Variants in ACSM1 observed in about 807,000 individuals in gnomAD.
ACSM1 encodes the protein acyl-coenzyme A synthetase ACSM1, mitochondrial.
A neutral mutation model predicts 75.8 loss-of-function variants in ACSM1; 79 were observed. The observed-to-expected ratio is 1.04, with a 90% CI of 0.87 to 1.26. The LOEUF (loss-of-function observed/expected upper bound fraction) is 1.26. Ranked by LOEUF, ACSM1 falls within the 50% of genes most tolerant of loss-of-function variation. The pLI, the probability that ACSM1 is intolerant of heterozygous loss-of-function variation, is 0.00. For missense variants in ACSM1, 676 were observed against 720.1 expected (o/e 0.94, Z 0.70); for synonymous variants, 279 against 265.8 (o/e 1.05, Z -0.48).
chr16:20,625,209 A>T (rs2152178519), intron 12 of ACSM1, among the ~76,000 whole-genome samples: 1 of 152,250 alleles, frequency 6.6e-6, no homozygotes, highest in Non-Finnish European at 1.5e-5. Context: ...GAGTTAAGTG[A>T]TTTGGCATAT....
At chr16:20,649,114 A>G (rs1329870434) in intron 7 of ACSM1, among the ~76,000 whole-genome samples, 1 of 152,158 alleles carries the variant, frequency 6.6e-6, no homozygotes, top group Non-Finnish European at 1.5e-5. Context: ...TTTATAGTGA[A>G]CCTTTAGGGG....
intron 1 of ACSM1, among the ~76,000 whole-genome samples, chr16:20,691,751 A>ATGTGTG (rs59929923): frequency 0.015 from 1,968 of 133,978 alleles, 25 homozygotes; most frequent in East Asian, 0.058. Context: ...TACCTCTCCA[A>ATGTGTG]TGTGTGTGTG....
intron 1 of ACSM1, among the ~76,000 whole-genome samples, chr16:20,693,059 A>G (rs1295700390): frequency 6.6e-6 from 1 of 151,962 alleles, no homozygotes; most frequent in African/African-American, 2.4e-5. Flanking sequence ...AGTCCCAGCT[A>G]CTGGTGAGGC....
Position 20,627,224 on chromosome 16 carries a change from G to A in ACSM1, c.1392C>T (p.Phe464=), listed in dbSNP as rs1444829933. Reference sequence around the variant, plus strand: ...TAATGATGTCATCACTCCTCCCCAGGAAACAAATGTAGCCCTCTTCATCCA... The same window carrying A: ...TAATGATGTCATCACTCCTCCCCAGAAAACAAATGTAGCCCTCTTCATCCA... The part of the protein sequence containing the change: ...GKMDEEGYIC[F]LGRSDDIINA... Residue 464 remains phenylalanine, a synonymous_variant, in exon 11 of 14, where the codon TTC becomes TTT. Transcript: ENST00000520010. The A allele has an allele frequency of 1.3e-6, 2 of 1,575,262 alleles. No homozygotes were observed. The highest frequency in any genetic ancestry group is 2.5e-5 in the East Asian group (1 of 40,042).
At chr16:20,625,148 T>C (rs1346160136) in intron 12 of ACSM1, among the ~76,000 whole-genome samples, 1 of 152,212 alleles carries the variant, frequency 6.6e-6, no homozygotes, top group African/African-American at 2.4e-5. Context: ...CCTGCTTCTC[T>C]TTCCTCATCT....
rs1054905991 is a variant in ACSM1, at chr16:20,640,578, C to T, written c.999G>A (p.Arg333=). The T allele has an allele frequency of 1.2e-6, 2 of 1,614,042 alleles. No individual in the cohort carries two copies. Among genetic ancestry groups the T allele is most frequent in the South Asian group, 1.1e-5 (1 of 91,088 alleles). The change falls in exon 8 of 14, where the codon AGG becomes AGA. Residue 333 remains arginine (R), a synonymous_variant. Coordinates refer to ENST00000520010, the MANE Select transcript of ACSM1 (RefSeq NM_001318890.3). ...MILQQDFTSI[R]FPALEHCYTG... Reference sequence around the variant, plus strand: ...TATAGCAGTGCTCCAGGGCAGGGAACCTGATGCTTAGAGGAAGACAAGGTG... The same window carrying T: ...TATAGCAGTGCTCCAGGGCAGGGAATCTGATGCTTAGAGGAAGACAAGGTG...
Position 20,682,365 on chromosome 16 carries a change from G to C in ACSM1, c.502C>G (p.Leu168Val), listed in dbSNP as rs1567307354. 3 of 1,614,062 alleles carry C rather than the reference G, an allele frequency of 1.9e-6. No individual in the cohort carries two copies. The Admixed American group carries it at 5.0e-5, about 27-fold the overall frequency. ...GCTATGGAGTCCACCTCTGAGGCAA[G>C]GGCATCTATGGTCACAATGCCCTTG... is the stretch of plus-strand genomic sequence containing the variant. ...KAKGIVTIDA[L>V]ASEVDSIASQ... Residue 168 changes from leucine (L) to valine (V), a missense_variant, in exon 4 of 14, where the codon CTT becomes GTT. By Grantham distance (32) the Leu-to-Val change is conservative (BLOSUM62 1). Coordinates refer to ENST00000520010, the MANE Select transcript of ACSM1 (RefSeq NM_001318890.3).
intron 4 of ACSM1, chr16:20,674,488 T>C (rs1007773706): frequency 1.3e-5 from 2 of 154,078 alleles, no homozygotes; most frequent in African/African-American, 2.5e-5. Flanking sequence ...GTAACCTGAC[T>C]CTTTGTTCTG....
rs142566677 is a variant in ACSM1 at position 20,637,401 on chromosome 16, C to T, written c.1167G>A (p.Met389Ile). 1.2e-4 allele frequency: 191 copies of T among 1,614,006 alleles called. No homozygotes were observed. Among genetic ancestry groups the T allele is most frequent in the Admixed American group, 2.5e-4 (15 of 60,006 alleles). The change falls in exon 9 of 14, where the codon ATG (methionine) becomes ATA (isoleucine). Residue 389 changes from methionine (M) to isoleucine (I), a missense_variant. Transcript: ENST00000520010. ...CGTCGTAGGGTGGAGTGGCCTTCCC[C>T]ATGAAACCCGGCTTGATCTTCATTC... ...YWGMKIKPGF[M>I]GKATPPYDVQ...
intron 2 of ACSM1, among the ~76,000 whole-genome samples, chr16:20,685,719 C>G (rs2079535788): frequency 6.6e-6 from 1 of 150,456 alleles, no homozygotes; most frequent in East Asian, 2.0e-4. Flanking sequence ...ATTCAGGAGG[C>G]TGAGGTAGGA....
chr16:20,671,225 T>C (rs150921227), intron 5 of ACSM1, among the ~76,000 whole-genome samples: 1 of 152,282 alleles, frequency 6.6e-6, no homozygotes, highest in African/African-American at 2.4e-5. Flanking sequence ...GTGTGGCATC[T>C]GGAATGTCTA....
intron 7 of ACSM1, among the ~76,000 whole-genome samples, chr16:20,649,666 T>C (rs1438378905): frequency 6.6e-6 from 1 of 152,220 alleles, no homozygotes; most frequent in Non-Finnish European, 1.5e-5. Context: ...TCAGATAAAC[T>C]TAACCAATTG....
At chr16:20,672,471 A>AAAAAAAT (rs1555473775) in intron 4 of ACSM1, among the ~76,000 whole-genome samples, 59 of 64,558 alleles carry the variant, frequency 9.1e-4, no homozygotes, top group African/African-American at 3.3e-3. Context: ...AAAAAAAAAA[A>AAAAAAAT]ATATATATAT....
chr16:20,690,919 C>A lies in ACSM1; in HGVS notation c.192+78G>T, dbSNP rs1012098323. 2.8e-6 allele frequency: 4 copies of A among 1,442,684 alleles called. No individual in the cohort carries two copies. In the East Asian group the frequency reaches 9.8e-5, roughly 35 times the overall value. 89.4% of individuals were successfully genotyped at this position (1,442,684 alleles called of 1,614,324 possible). A position where few individuals can be genotyped will look rare whatever the true frequency, so the allele number is the denominator to read the frequency against. On this transcript the variant is annotated intron_variant, in intron 2 of 13. Transcript: ENST00000520010. ...GGCAGAAGTAACTTTGGTTCCATAC[C>A]TTTCAGCCTAGTAGGAGCAAGATAA... is the stretch of plus-strand genomic sequence containing the variant.
At chr16:20,685,927 A>G (rs2079547282) in intron 2 of ACSM1, among the ~76,000 whole-genome samples, 2 of 151,744 alleles carry the variant, frequency 1.3e-5, no homozygotes, top group Non-Finnish European at 2.9e-5. Flanking sequence ...CTCAAGCCAC[A>G]TAAGACCATA....
At position 20,671,568 on chromosome 16, in the gene ACSM1, A is replaced by C; in HGVS notation, c.715T>G (p.Ser239Ala). The change falls in exon 5 of 14, where the codon TCC becomes GCC. Residue 239 changes from serine to alanine, a missense_variant. Coordinates refer to ENST00000520010, the MANE Select transcript of ACSM1 (RefSeq NM_001318890.3). ...TTGFPKMAKHSHGLALQPSFP... is the reference protein window; with the variant it reads ...TTGFPKMAKHAHGLALQPSFP... ...GAGGGTTGTAAGGCCAACCCATGGG[A>C]GTGTTTTGCCATCTTGGGGAAGCCT... 1 of 1,613,404 alleles carries C rather than the reference A, an allele frequency of 6.2e-7. No homozygotes were observed. Among genetic ancestry groups the C allele is most frequent in the African/African-American group, 1.3e-5 (1 of 74,870 alleles).
intron 6 of ACSM1, among the ~76,000 whole-genome samples, chr16:20,664,105 G>A (rs1256854394): frequency 6.6e-6 from 1 of 151,932 alleles, no homozygotes; most frequent in East Asian, 1.9e-4. Context: ...GGGGTGGGTA[G>A]AGAGGAAATA....
intron 1 of ACSM1, among the ~76,000 whole-genome samples, chr16:20,692,017 T>C (rs1001922637): frequency 6.6e-6 from 1 of 152,178 alleles, no homozygotes; most frequent in African/African-American, 2.4e-5. Flanking sequence ...TGTCTGCCCC[T>C]GTCTTGTTAA....
At chr16:20,675,175 G>A (rs987283379) in intron 4 of ACSM1, among the ~76,000 whole-genome samples, 14 of 152,166 alleles carry the variant, frequency 9.2e-5, no homozygotes, top group African/African-American at 3.4e-4. Context: ...GTGTGTATGT[G>A]TGTGAATGTG....
Sources: allele counts gnomAD v4.1 joint callset (sites outside exome capture counted in the v4.1 genomes callset), GRCh38; gene constraint gnomAD v4.1.1; transcripts MANE v1.5; gene names NCBI Gene and HGNC (gene_info 2026-07-23, HGNC 2026-07-21).